The following XKR9 variants were observed in gnomAD, a reference collection of about 807,000 sequenced individuals.
XKR9 encodes the protein XK-related protein 9.
A neutral mutation model predicts 32.0 loss-of-function variants in XKR9; 32 were observed. The ratio of observed to expected loss-of-function variants is 1.00; its 90% CI spans 0.76 to 1.34. The LOEUF (loss-of-function observed/expected upper bound fraction) is 1.34, where lower values mean the gene tolerates loss of function less well. XKR9 is among the 40% of genes most tolerant of loss of function. XKR9 has a pLI of 0.00. For missense variants in XKR9, 546 were observed against 429.7 expected, an observed-to-expected ratio of 1.27 and a Z score of -2.39; for synonymous variants, 168 against 143.4, an observed-to-expected ratio of 1.17 and a Z score of -1.22.
At chr8:70,799,388 C>T in the XKR9 span, among the ~76,000 whole-genome samples, 31 of 152,154 alleles carry the variant, frequency 2.0e-4, no homozygotes, top group Admixed American at 5.2e-4. Flanking sequence ...TGGAGTGCTG[C>T]GGTGCGATCA....
chr8:71,000,987 G>T, the XKR9 span, among the ~76,000 whole-genome samples: 2 of 152,170 alleles, frequency 1.3e-5, no homozygotes, highest in African/African-American at 4.8e-5. Flanking sequence ...CTAGTTTCTG[G>T]CTTTGTCACT....
At chr8:70,689,807 G>T (rs1819448583) in intron 3 of XKR9, among the ~76,000 whole-genome samples, 2 of 152,062 alleles carry the variant, frequency 1.3e-5, no homozygotes, top group African/African-American at 2.4e-5. Context: ...TGTAATAAAA[G>T]ATGGTGAAAA....
chr8:70,805,118 A>G, the XKR9 span, among the ~76,000 whole-genome samples: 1 of 152,176 alleles, frequency 6.6e-6, no homozygotes. Flanking sequence ...GGAGGCTGGC[A>G]TGATCTGTGG....
At chr8:70,875,626 G>T in the XKR9 span, among the ~76,000 whole-genome samples, 1 of 152,116 alleles carries the variant, frequency 6.6e-6, no homozygotes, top group Non-Finnish European at 1.5e-5. Context: ...AAGGGAATTG[G>T]TACATCATAA....
At chr8:70,751,280 C>G (rs1049677441) in intron 2 of XKR9, among the ~76,000 whole-genome samples, 5 of 152,178 alleles carry the variant, frequency 3.3e-5, no homozygotes, top group African/African-American at 1.2e-4. Context: ...CAGGCACCTG[C>G]TACCATGGCT....
chr8:70,824,812 G>T, the XKR9 span, among the ~76,000 whole-genome samples: 1 of 151,900 alleles, frequency 6.6e-6, no homozygotes, highest in African/African-American at 2.4e-5. Flanking sequence ...GAATTGTGGT[G>T]TATGGTCTTA....
chr8:70,728,475 G>A (rs1482447308), intron 4 of XKR9, among the ~76,000 whole-genome samples: 2 of 152,124 alleles, frequency 1.3e-5, no homozygotes, highest in African/African-American at 4.8e-5. Context: ...TATAGTTTTA[G>A]TACAGCATTT....
At chr8:71,021,541 C>T in the XKR9 span, among the ~76,000 whole-genome samples, 1 of 131,966 alleles carries the variant, frequency 7.6e-6, no homozygotes, top group Non-Finnish European at 1.5e-5. Flanking sequence ...TTCGCTCTGT[C>T]GCCCAGGCTG....
chr8:70,692,212 C>T (rs1235764985), intron 3 of XKR9, among the ~76,000 whole-genome samples: 1 of 151,958 alleles, frequency 6.6e-6, no homozygotes, highest in East Asian at 1.9e-4. Flanking sequence ...ATTTGGCTCT[C>T]AGTTTGGTTG....
chr8:70,960,304 T>C, the XKR9 span, among the ~76,000 whole-genome samples: 1 of 152,110 alleles, frequency 6.6e-6, no homozygotes, highest in Non-Finnish European at 1.5e-5. Context: ...ATTGTGTTTA[T>C]GGGCCCAGCA....
At chr8:70,686,900 AT>A (rs1449751870) in intron 3 of XKR9, among the ~76,000 whole-genome samples, 1 of 152,164 alleles carries the variant, frequency 6.6e-6, no homozygotes, top group African/African-American at 2.4e-5. Flanking sequence ...ATGTATGATA[AT>A]CACATAAGGG....
At chr8:70,967,130 T>C in the XKR9 span, among the ~76,000 whole-genome samples, 1 of 146,580 alleles carries the variant, frequency 6.8e-6, no homozygotes, top group Non-Finnish European at 1.5e-5. Context: ...TGGTGCGATC[T>C]TGGCTCACTG....
the XKR9 span, among the ~76,000 whole-genome samples, chr8:70,798,942 G>T: frequency 6.6e-6 from 1 of 152,144 alleles, no homozygotes; most frequent in African/African-American, 2.4e-5. Context: ...TGCTCTTTTG[G>T]TTACTGAAGC....
intron 3 of XKR9, among the ~76,000 whole-genome samples, chr8:70,703,229 T>G (rs1459704862): frequency 6.6e-6 from 1 of 152,140 alleles, no homozygotes; most frequent in African/African-American, 2.4e-5. Flanking sequence ...ATTGTTGTTT[T>G]GTTCATTTTT....
chr8:70,803,273 A>G, the XKR9 span, among the ~76,000 whole-genome samples: 1 of 152,182 alleles, frequency 6.6e-6, no homozygotes, highest in Non-Finnish European at 1.5e-5. Context: ...ATTCATGAAG[A>G]GAATTTTTTT....
At chr8:71,022,158 A>G in the XKR9 span, among the ~76,000 whole-genome samples, 1 of 152,054 alleles carries the variant, frequency 6.6e-6, no homozygotes, top group African/African-American at 2.4e-5. Context: ...GTGCAGCTTT[A>G]ATTTTGGGTT....
At position 70,735,211 on chromosome 8, in the gene XKR9, A is replaced by G. The variant is rs1247583949; in HGVS notation, c.*787A>G. 3 of 151,776 alleles carry G rather than the reference A, an allele frequency of 2.0e-5. No homozygotes were observed. The highest frequency in any genetic ancestry group is 3.9e-4 in the East Asian group (2 of 5,188). The allele number at this position is 151,776 out of a possible 1,614,324, so 9.4% of individuals were successfully genotyped here. On this transcript the variant is annotated 3_prime_UTR_variant, in exon 5 of 5. Transcript: ENST00000408926. The stretch of plus-strand genomic sequence containing the variant: ...TGCAACAGATCTCAAGGACTTTTTC[A>G]CCTTGTAAAACTAAGATTCTCTATT...
At chr8:70,669,709 C>T (rs1243053404) in intron 1 of XKR9, among the ~76,000 whole-genome samples, 171 bp downstream of exon 1, 1 of 147,196 alleles carries the variant, frequency 6.8e-6, no homozygotes, top group Non-Finnish European at 1.5e-5. Flanking sequence ...GTCTGTCGCC[C>T]AGGCTGGAGT....
the XKR9 span, among the ~76,000 whole-genome samples, chr8:71,012,329 C>T: frequency 6.6e-6 from 1 of 152,116 alleles, no homozygotes; most frequent in African/African-American, 2.4e-5. Flanking sequence ...AGTCAGAATC[C>T]TCTAATCTTT....
Sources: gnomAD v4.1 joint callset for allele counts (sites outside exome capture counted in the v4.1 genomes callset) on GRCh38, gnomAD v4.1.1 for gene constraint, MANE v1.5 for transcripts, NCBI Gene and HGNC (gene_info 2026-07-23, HGNC 2026-07-21) for gene names.